PID1: variants seen among roughly 807,000 people sequenced by gnomAD.
PID1 encodes the protein PTB-containing, cubilin and LRP1-interacting protein.
A neutral mutation model predicts 19.1 loss-of-function variants in PID1; 10 were observed. That is an observed-to-expected ratio of 0.52 (90% confidence interval 0.32 to 0.89). The LOEUF is 0.89. Ranked by LOEUF, PID1 falls within the 40% of genes least tolerant of loss-of-function variation. PID1 has a pLI of 0.03. For synonymous variants in PID1, 130 were observed against 116.0 expected (o/e 1.12, Z -0.78); for missense variants, 248 against 285.3 (o/e 0.87, Z 0.94).
intron 2 of PID1, among the ~76,000 whole-genome samples, chr2:229,130,672 C>A (rs1276333789): frequency 6.6e-6 from 1 of 152,120 alleles, no homozygotes. Flanking sequence ...AGACTGTGTT[C>A]CTGGAGGGCT....
intron 2 of PID1, among the ~76,000 whole-genome samples, chr2:229,100,245 C>A (rs186015007): frequency 1.3e-5 from 2 of 152,098 alleles, no homozygotes; most frequent in Non-Finnish European, 1.5e-5. Flanking sequence ...GACTAAGACA[C>A]CTTTATATTT....
intron 2 of PID1, among the ~76,000 whole-genome samples, chr2:229,076,267 A>G (rs1425540037): frequency 6.6e-6 from 1 of 152,156 alleles, no homozygotes; most frequent in Non-Finnish European, 1.5e-5. Context: ...TGTCTATTCC[A>G]GAATCCTCTG....
At chr2:229,103,252 T>C (rs959683323) in intron 2 of PID1, among the ~76,000 whole-genome samples, 12 of 152,298 alleles carry the variant, frequency 7.9e-5, no homozygotes, top group Non-Finnish European at 1.6e-4. Context: ...GGTAGGGTCA[T>C]GTGACTGGCA....
intron 2 of PID1, among the ~76,000 whole-genome samples, chr2:229,062,526 T>C (rs1694232645): frequency 6.6e-6 from 1 of 151,950 alleles, no homozygotes; most frequent in Non-Finnish European, 1.5e-5. Context: ...TTTGCCTCTG[T>C]TTTCATTAGA....
chr2:229,265,540 C>T (rs558033816), intron 1 of PID1, among the ~76,000 whole-genome samples: 1 of 152,300 alleles, frequency 6.6e-6, no homozygotes, highest in Non-Finnish European at 1.5e-5. Flanking sequence ...TTCCACTAGA[C>T]TTTAAGGAGG....
intron 2 of PID1, among the ~76,000 whole-genome samples, chr2:229,075,255 C>T (rs143640337): frequency 6.6e-6 from 1 of 152,224 alleles, no homozygotes; most frequent in African/African-American, 2.4e-5. Flanking sequence ...GAATGCTTAT[C>T]ATTCTTGCAC....
At chr2:229,260,333 G>A (rs1559306862) in intron 1 of PID1, among the ~76,000 whole-genome samples, 1 of 152,004 alleles carries the variant, frequency 6.6e-6, no homozygotes, top group Non-Finnish European at 1.5e-5. Context: ...GGGGGAATGA[G>A]TAAATAAATT....
chr2:229,052,584 T>G (rs1008197504), intron 2 of PID1, among the ~76,000 whole-genome samples: 1 of 152,220 alleles, frequency 6.6e-6, no homozygotes, highest in South Asian at 2.1e-4. Flanking sequence ...AATAAAATAT[T>G]TGCTGCTTTT....
intron 1 of PID1, among the ~76,000 whole-genome samples, chr2:229,263,542 C>A (rs568304100): frequency 1.3e-5 from 2 of 152,140 alleles, no homozygotes; most frequent in African/African-American, 4.8e-5. Context: ...TGGGCTAGAA[C>A]ACCCACCCTC....
intron 2 of PID1, among the ~76,000 whole-genome samples, chr2:229,082,084 C>T (rs1203593875): frequency 6.6e-6 from 1 of 152,154 alleles, no homozygotes; most frequent in African/African-American, 2.4e-5. Context: ...TATTTTCAAG[C>T]CCAGAGCTGC....
intron 1 of PID1, among the ~76,000 whole-genome samples, chr2:229,163,583 A>C (rs189472706): frequency 3.8e-4 from 58 of 152,152 alleles, no homozygotes; most frequent in African/African-American, 1.3e-3. Context: ...AGGAGTATGC[A>C]AAAGCCCCCA....
chr2:229,141,676 T>G (rs929017632), intron 2 of PID1, among the ~76,000 whole-genome samples: 9 of 152,108 alleles, frequency 5.9e-5, no homozygotes, highest in African/African-American at 2.2e-4. Context: ...GATTTTCAGC[T>G]TACAGGGTAA....
chr2:229,212,819 A>G (rs940135332), intron 1 of PID1, among the ~76,000 whole-genome samples: 1 of 152,072 alleles, frequency 6.6e-6, no homozygotes, highest in African/African-American at 2.4e-5. Flanking sequence ...GGTAGAAGAG[A>G]CAAAATCAGA....
At chr2:229,235,871 G>A (rs1178069565) in intron 1 of PID1, among the ~76,000 whole-genome samples, 9 of 152,288 alleles carry the variant, frequency 5.9e-5, no homozygotes, top group African/African-American at 2.2e-4. Context: ...CTCGGGACGG[G>A]GGGCCAGGCA....
intron 1 of PID1, among the ~76,000 whole-genome samples, chr2:229,170,724 A>T (rs1172679658): frequency 3.3e-5 from 5 of 152,220 alleles, no homozygotes; most frequent in Non-Finnish European, 7.3e-5. Flanking sequence ...GATCAAGTAG[A>T]CGCCTCTTCA....
At chr2:229,191,751 CAAAT>C (rs1166544042) in intron 1 of PID1, among the ~76,000 whole-genome samples, 2 of 152,076 alleles carry the variant, frequency 1.3e-5, no homozygotes, top group African/African-American at 4.8e-5. Flanking sequence ...ATTGGTTAGT[CAAAT>C]TAAAGTAAAA....
chr2:229,035,640 T>G (rs963288913), intron 2 of PID1, among the ~76,000 whole-genome samples: 2 of 152,058 alleles, frequency 1.3e-5, no homozygotes, highest in Non-Finnish European at 2.9e-5. Flanking sequence ...CTCGGAAAAG[T>G]GAGATGTAGA....
In PID1 at chr2:229,151,870, A is replaced by AT. The variant is rs1251351403; in HGVS notation, c.177+3947dup. Among the ~76,000 whole-genome samples, 18 of 151,386 alleles carry AT rather than the reference A, an allele frequency of 1.2e-4. No homozygotes were observed. In the East Asian group the frequency reaches 2.1e-3, roughly 18 times the overall value. On this transcript the variant is annotated intron_variant, in intron 2 of 2. Transcript: ENST00000392055. ...CAGGCGTGAGCCACCGCGCCCAGCT[A>AT]TTTTTTTTTATTACTATGGTCATCA... is the stretch of plus-strand genomic sequence containing the variant.
chr2:229,115,700 A>G (rs1333952707), intron 2 of PID1, among the ~76,000 whole-genome samples: 3 of 152,202 alleles, frequency 2.0e-5, no homozygotes, highest in Non-Finnish European at 2.9e-5. Flanking sequence ...TCAATTTACA[A>G]TACTGACACA....
Sources: allele counts gnomAD v4.1 joint callset (sites outside exome capture counted in the v4.1 genomes callset), GRCh38; gene constraint gnomAD v4.1.1; transcripts MANE v1.5; gene names NCBI Gene and HGNC (gene_info 2026-07-23, HGNC 2026-07-21).